The following CASZ1 variants were observed in gnomAD, a reference collection of about 807,000 sequenced individuals.
CASZ1 encodes zinc finger protein castor homolog 1.
A neutral mutation model predicts 135.2 loss-of-function variants in CASZ1; 28 were observed. That is an observed-to-expected ratio of 0.21 (90% CI 0.15 to 0.28). The LOEUF (loss-of-function observed/expected upper bound fraction) is 0.28, where lower values mean the gene tolerates loss of function less well. Among genes scored for constraint, CASZ1 ranks in the 10% least tolerant of loss-of-function variants. The probability of loss-of-function intolerance (pLI) is 1.00; values close to 1 mark genes in which losing one functional copy is unlikely to be tolerated. For synonymous variants in CASZ1, 1,068 were observed against 1,073.4 expected (o/e 0.99, Z 0.10); for missense variants, 2,161 against 2,453.3 (o/e 0.88, Z 2.52).
chr1:10,790,363 T>A (rs1640934914), intron 1 of CASZ1, among the ~76,000 whole-genome samples: 1 of 152,172 alleles, frequency 6.6e-6, no homozygotes, highest in African/African-American at 2.4e-5. Context: ...AAATTACGGT[T>A]TTTAAAATGT....
In CASZ1 at chr1:10,646,403, T is replaced by C; in HGVS notation, c.3498-77A>G. 1 of 1,404,954 alleles carries C rather than the reference T, an allele frequency of 7.1e-7. No homozygotes were observed. The highest frequency in any genetic ancestry group is 1.2e-5 in the South Asian group (1 of 82,474). The allele number at this position is 1,404,954 out of a possible 1,614,324, so 87.0% of individuals were successfully genotyped here. On this transcript the variant is annotated intron_variant, in intron 16 of 20. Coordinates refer to ENST00000377022, the MANE Select transcript of CASZ1 (RefSeq NM_001079843.3). The surrounding 1 kb of genome is among the most constrained non-coding windows in gnomAD (Gnocchi z 6.4). ...GCTGGTGTCCTGACTTCACTTGTGT[T>C]GGAGTTCACTCCCCCACGACCAGCG...
At chr1:10,662,373 A>G (rs542358941) in intron 5 of CASZ1, among the ~76,000 whole-genome samples, 54 of 152,078 alleles carry the variant, frequency 3.6e-4, no homozygotes, top group African/African-American at 1.3e-3. Context: ...GTGCATTCTC[A>G]TACTTTCACA....
chr1:10,668,641 G>T (rs1349544716), intron 4 of CASZ1, among the ~76,000 whole-genome samples: 1 of 152,260 alleles, frequency 6.6e-6, no homozygotes, highest in Non-Finnish European at 1.5e-5. Flanking sequence ...TGGCCCCACG[G>T]GCTCTGGCGC....
rs1249191789 is a variant in CASZ1 at position 10,759,331 on chromosome 1, C to T, written c.-77+1370G>A. Among the ~76,000 whole-genome samples, 2 of 152,164 alleles carry T rather than the reference C, an allele frequency of 1.3e-5. No individual in the cohort carries two copies. The highest frequency in any genetic ancestry group is 2.9e-5 in the Non-Finnish European group (2 of 68,026). On this transcript the variant is annotated intron_variant, in intron 2 of 20. Coordinates refer to ENST00000377022, the MANE Select transcript of CASZ1 (RefSeq NM_001079843.3). This position sits in a 1 kb window ranked among gnomAD's most constrained non-coding sequence, Gnocchi z 4.2. ...AGGTGCTAACGCCAAGCCCAGAAGA[C>T]TTCAGCGCCACGAAACTCCCCCCAC...
At chr1:10,738,541 C>T (rs540069057) in intron 2 of CASZ1, among the ~76,000 whole-genome samples, 5 of 152,354 alleles carry the variant, frequency 3.3e-5, no homozygotes, top group Admixed American at 1.3e-4. Context: ...GGATCCTGCC[C>T]GCACAAGGAG....
Position 10,639,901 on chromosome 1 carries a change from C to T in CASZ1, c.4321G>A (p.Glu1441Lys), listed in dbSNP as rs1642141591. Residue 1441 changes from glutamate to lysine, a missense_variant, in exon 21 of 21, where the codon GAG becomes AAG. Glu to Lys is a moderately conservative substitution (Grantham distance 56). This residue lies in a region of CASZ1 where 240 missense variants were observed against 321.4 expected (regional missense o/e 0.75). Transcript: ENST00000377022. This position sits in a 1 kb window ranked among gnomAD's most constrained non-coding sequence, Gnocchi z 4.0. ...TGACAAGCTGCGTCCTTGCAGTCCT[C>T]GTAAAGGTCGAAGCGCCGGAAGCCC... The part of the protein sequence containing the change: ...LEGFRRFDLY[E>K]DCKDAACQFS... 1 of 1,612,728 alleles carries T rather than the reference C, an allele frequency of 6.2e-7. No homozygotes were observed. The highest frequency in any genetic ancestry group is 8.5e-7 in the Non-Finnish European group (1 of 1,179,988).
At chr1:10,703,748 G>T (rs186100044) in intron 3 of CASZ1, among the ~76,000 whole-genome samples, 3 of 152,206 alleles carry the variant, frequency 2.0e-5, no homozygotes, top group Non-Finnish European at 4.4e-5. Context: ...TAAAGGGCCA[G>T]AGAGAAAATC....
intron 2 of CASZ1, among the ~76,000 whole-genome samples, chr1:10,734,578 C>T (rs1639761041): frequency 6.6e-6 from 1 of 152,032 alleles, no homozygotes; most frequent in Admixed American, 6.5e-5. Context: ...CTTGGTAACT[C>T]GTCTGCCTGG....
At chr1:10,669,440 T>C (rs747327751) in intron 4 of CASZ1, among the ~76,000 whole-genome samples, 6 of 152,222 alleles carry the variant, frequency 3.9e-5, no homozygotes, top group African/African-American at 1.2e-4. Flanking sequence ...AATTTACTGA[T>C]ATTTATAAAT....
At chr1:10,785,151 T>TCCTCCCTCCCTTCCTCCCTCCCTG (rs1557570903) in intron 1 of CASZ1, among the ~76,000 whole-genome samples, 1 of 140,814 alleles carries the variant, frequency 7.1e-6, no homozygotes, top group African/African-American at 3.1e-5. Flanking sequence ...CTCCCTCCCT[T>TCCTCCCTCCCTTCCTCCCTCCCTG]CTTTCCTTCC....
chr1:10,649,857 C>T (rs1642503167), intron 13 of CASZ1: 1 of 125,558 alleles, frequency 8.0e-6, no homozygotes, highest in African/African-American at 3.0e-5. Flanking sequence ...AGGAGGCCCA[C>T]AAAGGAGAGA....
chr1:10,640,181 C>G, intron 20 of CASZ1, 122 bp from the exon 21 acceptor site: 7 of 1,436,122 alleles, frequency 4.9e-6, no homozygotes, highest in Non-Finnish European at 6.5e-6. Flanking sequence ...AGGGAGCCCT[C>G]GGCTTCCCCT....
chr1:10,753,034 T>A (rs1386330101), intron 2 of CASZ1, among the ~76,000 whole-genome samples: 1 of 152,054 alleles, frequency 6.6e-6, no homozygotes, highest in Non-Finnish European at 1.5e-5. Context: ...CAAAACTCCA[T>A]CTCAAAAAAC....
rs1184584298 is a variant in CASZ1, at chr1:10,726,120, C to T, written c.-76-20576G>A. Among the ~76,000 whole-genome samples, 3 of 152,182 alleles carry T rather than the reference C, an allele frequency of 2.0e-5. No homozygotes were observed. The highest frequency in any genetic ancestry group is 4.4e-5 in the Non-Finnish European group (3 of 68,028). ...ATCACCACCACCACTACTACCAGTACTACTACTACTGCTGCTACTACCACC... is the reference window on the plus strand; with the variant it reads ...ATCACCACCACCACTACTACCAGTATTACTACTACTGCTGCTACTACCACC... On this transcript the variant is annotated intron_variant, in intron 2 of 20. Coordinates refer to ENST00000377022, the MANE Select transcript of CASZ1 (RefSeq NM_001079843.3). This position sits in a 1 kb window ranked among gnomAD's most constrained non-coding sequence, Gnocchi z 5.7.
intron 1 of CASZ1, among the ~76,000 whole-genome samples, chr1:10,769,045 C>T (rs1303525300): frequency 6.6e-6 from 1 of 152,198 alleles, no homozygotes; most frequent in African/African-American, 2.4e-5. Flanking sequence ...GAGACTGAGG[C>T]AGGAGAATCA....
Position 10,665,436 on chromosome 1 carries a change from C to A in CASZ1, c.152G>T (p.Gly51Val). 1 of 1,611,798 alleles carries A rather than the reference C, an allele frequency of 6.2e-7. No individual in the cohort carries two copies. Among genetic ancestry groups the A allele is most frequent in the South Asian group, 1.1e-5 (1 of 91,056 alleles). The stretch of plus-strand genomic sequence containing the variant: ...CGATGGGCTGCCCTCCGTGTGGGAG[C>A]CGGCGTCAGCTCGCTTCTCCACCAC... Reference protein sequence around the residue: ...QVVVEKRADAGSHTEGSPSQP... With the variant: ...QVVVEKRADAVSHTEGSPSQP... Residue 51 changes from glycine (G) to valine (V), a missense_variant, in exon 5 of 21, where the codon GGC (glycine) becomes GTC (valine). Transcript: ENST00000377022.
Position 10,657,692 on chromosome 1 carries a change from G to A in CASZ1, c.1409+816C>T, listed in dbSNP as rs1642851623. ...AGGACAGGGGATCGGAGACAGAGTGGGACGTGGAGGCGGAGAGACAGAGCG... is the reference window on the plus strand; with the variant it reads ...AGGACAGGGGATCGGAGACAGAGTGAGACGTGGAGGCGGAGAGACAGAGCG... On this transcript the variant is annotated intron_variant, in intron 7 of 20. Coordinates refer to ENST00000377022, the MANE Select transcript of CASZ1 (RefSeq NM_001079843.3). This position sits in a 1 kb window ranked among gnomAD's most constrained non-coding sequence, Gnocchi z 5.7. 6.6e-6 allele frequency among the ~76,000 whole-genome samples: 1 copy of A among 151,772 alleles called. No individual in the cohort carries two copies. The highest frequency in any genetic ancestry group is 2.1e-4 in the South Asian group (1 of 4,806).
At chr1:10,751,266 G>A (rs899293885) in intron 2 of CASZ1, among the ~76,000 whole-genome samples, 1 of 152,102 alleles carries the variant, frequency 6.6e-6, no homozygotes, top group African/African-American at 2.4e-5. Context: ...AGGCCCTGAG[G>A]GGGTCTGGCC....
At chr1:10,714,620 C>T (rs1236364872) in intron 2 of CASZ1, among the ~76,000 whole-genome samples, 2 of 152,248 alleles carry the variant, frequency 1.3e-5, no homozygotes, top group Non-Finnish European at 2.9e-5. Flanking sequence ...TCTGCCCAGC[C>T]AGGAATGTGC....
Sources: gnomAD v4.1 joint callset for allele counts (sites outside exome capture counted in the v4.1 genomes callset) on GRCh38, gnomAD v4.1.1 for gene constraint, gnomAD v4.1.1 regional missense constraint, Gnocchi (gnomAD v3.1) non-coding constraint, MANE v1.5 for transcripts, NCBI Gene and HGNC (gene_info 2026-07-23, HGNC 2026-07-21) for gene names.